LSAMP: variants seen among roughly 807,000 people sequenced by gnomAD.
The protein encoded by LSAMP is limbic system-associated membrane protein.
Under a neutral mutation model 38.6 loss-of-function variants are expected in LSAMP, and 7 were observed. The ratio of observed to expected loss-of-function variants is 0.18; its 90% CI spans 0.10 to 0.34. The LOEUF (loss-of-function observed/expected upper bound fraction) is 0.34, where lower values mean the gene tolerates loss of function less well. LSAMP is among the 10% of genes least tolerant of loss of function. LSAMP has a pLI of 1.00. For synonymous variants in LSAMP, 154 were observed against 166.8 expected (o/e 0.92, Z 0.59); for missense variants, 313 against 420.0 (o/e 0.75, Z 2.23).
At chr3:116,425,195 T>C (rs944703485) in intron 1 of LSAMP, among the ~76,000 whole-genome samples, 3 of 152,198 alleles carry the variant, frequency 2.0e-5, no homozygotes, top group Non-Finnish European at 4.4e-5. Flanking sequence ...ACGAACAGCA[T>C]AGTGAGGTTA....
intron 1 of LSAMP, among the ~76,000 whole-genome samples, chr3:116,355,285 G>T (rs980300010): frequency 1.3e-5 from 2 of 152,036 alleles, no homozygotes; most frequent in Admixed American, 1.3e-4. Context: ...GGGAATTACT[G>T]TATAAAAATG....
chr3:116,358,590 T>C (rs939438728), intron 1 of LSAMP, among the ~76,000 whole-genome samples: 2 of 152,178 alleles, frequency 1.3e-5, no homozygotes, highest in African/African-American at 4.8e-5. Context: ...TTAAATATAC[T>C]CATTACTAGA....
intron 3 of LSAMP, among the ~76,000 whole-genome samples, chr3:115,962,724 C>A (rs561815332): frequency 6.6e-6 from 1 of 152,274 alleles, no homozygotes; most frequent in South Asian, 2.1e-4. Flanking sequence ...GGGAAAGGGC[C>A]AAGAGCATAG....
At chr3:116,164,607 TATATATATATATATAATCCAA>T (rs1559766271) in intron 1 of LSAMP, among the ~76,000 whole-genome samples, 4 of 129,120 alleles carry the variant, frequency 3.1e-5, no homozygotes, top group African/African-American at 5.9e-5. Context: ...TCCAAATATA[TATATATATATATATAATCCAA>T]ATATATATAT....
intron 2 of LSAMP, among the ~76,000 whole-genome samples, chr3:116,078,448 C>A (rs1472416313): frequency 6.6e-6 from 1 of 151,934 alleles, no homozygotes; most frequent in Non-Finnish European, 1.5e-5. Flanking sequence ...CCTCAGCCTC[C>A]CGAGTAGCTG....
chr3:116,162,402 C>T (rs1190374635), intron 1 of LSAMP, among the ~76,000 whole-genome samples: 1 of 152,092 alleles, frequency 6.6e-6, no homozygotes. Flanking sequence ...GGAACCAACA[C>T]CTCTAAATCT....
intron 1 of LSAMP, among the ~76,000 whole-genome samples, chr3:116,130,837 T>C (rs1173720666): frequency 6.6e-6 from 1 of 152,110 alleles, no homozygotes; most frequent in Non-Finnish European, 1.5e-5. Context: ...TAGATATTTT[T>C]CTTCCCCCTT....
chr3:116,008,425 C>G (rs1018524887), intron 3 of LSAMP, among the ~76,000 whole-genome samples: 3 of 152,152 alleles, frequency 2.0e-5, no homozygotes, highest in Non-Finnish European at 4.4e-5. Context: ...TTCATTATCT[C>G]ATTTGATCCC....
chr3:116,178,406 G>A (rs1175987641), intron 1 of LSAMP, among the ~76,000 whole-genome samples: 2 of 152,238 alleles, frequency 1.3e-5, no homozygotes, highest in African/African-American at 4.8e-5. Context: ...GACCTCAAGT[G>A]ATCTGCCCAC....
intron 3 of LSAMP, among the ~76,000 whole-genome samples, chr3:115,873,446 G>A (rs1224689318): frequency 1.3e-5 from 2 of 151,282 alleles, no homozygotes; most frequent in African/African-American, 4.9e-5. Context: ...GAAAGGACTA[G>A]GCTAAAAGGA....
chr3:115,861,048 TCCTC>T (rs1935662907), intron 3 of LSAMP, among the ~76,000 whole-genome samples: 1 of 122,022 alleles, frequency 8.2e-6, no homozygotes, highest in Non-Finnish European at 1.7e-5. Context: ...TTTCCTCCCC[TCCTC>T]CCCTCCCTCC....
intron 4 of LSAMP, among the ~76,000 whole-genome samples, chr3:115,843,221 A>G (rs944298679): frequency 6.6e-6 from 1 of 152,234 alleles, no homozygotes; most frequent in Non-Finnish European, 1.5e-5. Context: ...CCTGGTGCAT[A>G]GAAGACTTAC....
At chr3:116,082,488 G>C (rs1707891989) in intron 2 of LSAMP, among the ~76,000 whole-genome samples, 1 of 150,516 alleles carries the variant, frequency 6.6e-6, no homozygotes, top group South Asian at 2.1e-4. Context: ...TCTGCATTTT[G>C]ACAAGCATAG....
intron 1 of LSAMP, among the ~76,000 whole-genome samples, chr3:116,221,844 A>AGTGTGTGTGTGTGTGTGT (rs58596077): frequency 8.3e-5 from 12 of 145,370 alleles, no homozygotes; most frequent in African/African-American, 1.5e-4. Flanking sequence ...CCTAAAAAGA[A>AGTGTGTGTGTGTGTGTGT]GTGTGTGTGT....
At position 115,970,436 on chromosome 3, in the gene LSAMP, G is replaced by C. The variant is rs189411857; in HGVS notation, c.514+49079C>G. 1.3e-4 allele frequency among the ~76,000 whole-genome samples: 20 copies of C among 152,248 alleles called. No homozygotes were observed. In the East Asian group the frequency reaches 3.9e-3, roughly 29 times the overall value. The stretch of plus-strand genomic sequence containing the variant: ...CCTAGCTGGTGTTTTCCCCTTGGCA[G>C]TATGTCTGTACCAATCAGTTTGGCA... On this transcript the variant is annotated intron_variant, in intron 3 of 6. Transcript: ENST00000490035.
At chr3:115,926,025 A>G (rs1937490039) in intron 3 of LSAMP, among the ~76,000 whole-genome samples, 1 of 152,184 alleles carries the variant, frequency 6.6e-6, no homozygotes, top group Non-Finnish European at 1.5e-5. Flanking sequence ...GAGAAGGATA[A>G]CAGTACATCC....
At chr3:116,168,086 A>T (rs998451431) in intron 1 of LSAMP, among the ~76,000 whole-genome samples, 20 of 152,072 alleles carry the variant, frequency 1.3e-4, no homozygotes, top group Non-Finnish European at 2.6e-4. Flanking sequence ...AGTATTTTTT[A>T]AAAAATATTT....
At chr3:116,006,465 G>A (rs556333420) in intron 3 of LSAMP, among the ~76,000 whole-genome samples, 16 of 152,192 alleles carry the variant, frequency 1.1e-4, no homozygotes, top group African/African-American at 3.6e-4. Context: ...TGGATACAAC[G>A]TAGTAACTAT....
At chr3:115,836,498 C>T (rs1003200996) in intron 6 of LSAMP, among the ~76,000 whole-genome samples, 3 of 152,208 alleles carry the variant, frequency 2.0e-5, no homozygotes, top group Non-Finnish European at 4.4e-5. Flanking sequence ...TCTCCTTTGG[C>T]AGCTGCTACT....
Sources: allele counts gnomAD v4.1 joint callset (sites outside exome capture counted in the v4.1 genomes callset), GRCh38; gene constraint gnomAD v4.1.1; transcripts MANE v1.5; gene names NCBI Gene and HGNC (gene_info 2026-07-23, HGNC 2026-07-21).